The following FANCA variants were observed in gnomAD, a reference collection of about 807,000 sequenced individuals.
FANCA encodes the protein FA complementation group A, also known as Fanconi anemia group A protein.
A neutral mutation model predicts 194.3 loss-of-function variants in FANCA; 236 were observed. The observed-to-expected ratio is 1.21, with a 90% confidence interval of 1.09 to 1.35. The LOEUF is 1.35. Among genes scored for constraint, FANCA ranks in the 40% most tolerant of loss-of-function variants. FANCA has a pLI of 0.00. For synonymous variants in FANCA, 1,014 were observed against 715.8 expected, an observed-to-expected ratio of 1.42 and a Z score of -6.65; for missense variants, 2,628 against 1,813.9, an observed-to-expected ratio of 1.45 and a Z score of -8.15.
At chr16:89,759,489 C>A (rs568249733) in intron 29 of FANCA, among the ~76,000 whole-genome samples, 1 of 151,790 alleles carries the variant, frequency 6.6e-6, no homozygotes, top group East Asian at 2.0e-4. Flanking sequence ...CTCAAAACTG[C>A]AGTGGCTACA....
At position 89,779,002 on chromosome 16, in the gene FANCA, T is replaced by C. The variant is rs775255736; in HGVS notation, c.1717A>G (p.Ile573Val). The change falls in exon 19 of 43, where the codon ATA becomes GTA. Residue 573 changes from isoleucine to valine, a missense_variant and splice_region_variant. Transcript: ENST00000389301. ...GACACGTAGTAAGGCCTCCTGAATA[T>C]GCTGCAACACAGAGAAGCAGACAGT... is the stretch of plus-strand genomic sequence containing the variant. ...NIPVTVMEAS[I>V]FRRPYYVSHF... The C allele has an allele frequency of 3.7e-6, 6 of 1,613,188 alleles. No homozygotes were observed. Among genetic ancestry groups the C allele is most frequent in the African/African-American group, 2.7e-5 (2 of 74,882 alleles).
intron 14 of FANCA, among the ~76,000 whole-genome samples, chr16:89,789,137 T>G (rs2143507588): frequency 6.6e-6 from 1 of 151,964 alleles, no homozygotes; most frequent in East Asian, 1.9e-4. Flanking sequence ...CTTAGTTTAG[T>G]GGAAGCCCCA....
Position 89,767,299 on chromosome 16 carries a change from G to A in FANCA, c.2505-62C>T, listed in dbSNP as rs540895306. On this transcript the variant is annotated intron_variant, in intron 26 of 42. Transcript: ENST00000389301. ...TACAAAATAAGGGATGAAGGAAAAA[G>A]TTACTTTGAATTTCATAAAACTGAA... is the stretch of plus-strand genomic sequence containing the variant. The A allele has an allele frequency of 4.0e-4, 479 of 1,211,640 alleles. 1 individual carries two copies. Among genetic ancestry groups the A allele is most frequent in the Non-Finnish European group, 5.4e-4 (447 of 823,904 alleles). The allele number at this position is 1,211,640 out of a possible 1,614,324, so 75.1% of individuals were successfully genotyped here. A position where few individuals can be genotyped will look rare whatever the true frequency, so the allele number is the denominator to read the frequency against.
chr16:89,792,837 T>C (rs1020973523), intron 11 of FANCA: 4 of 387,566 alleles, frequency 1.0e-5, no homozygotes, highest in South Asian at 4.1e-5. Context: ...TCTCCAATGA[T>C]AGGTAAGGTC....
intron 14 of FANCA, among the ~76,000 whole-genome samples, chr16:89,788,583 G>C (rs1473284803): frequency 6.6e-6 from 1 of 152,180 alleles, no homozygotes; most frequent in African/African-American, 2.4e-5. Flanking sequence ...GATCGCATGA[G>C]GCCAGGAATC....
intron 12 of FANCA, 36 bp from the exon 13 acceptor site, chr16:89,792,104 G>T: frequency 6.2e-7 from 1 of 1,613,870 alleles, no homozygotes; most frequent in Non-Finnish European, 8.5e-7. Flanking sequence ...CAATATCCAA[G>T]CAAACCAATG....
Position 89,745,413 on chromosome 16 carries a change from T to C in FANCA, c.3514-342A>G, listed in dbSNP as rs62054603. 0.075 allele frequency among the ~76,000 whole-genome samples: 9,585 copies of C among 127,732 alleles called. 547 individuals carry two copies. Among genetic ancestry groups the C allele is most frequent in the African/African-American group, 0.15 (4,789 of 32,304 alleles). 83.8% of individuals were successfully genotyped at this position (127,732 alleles called of 152,430 possible). A position where few individuals can be genotyped will look rare whatever the true frequency, so the allele number is the denominator to read the frequency against. ...TGAAACAGTGAAGGGACCACACTCC[T>C]CTGAGCTGGGAACAAAACAGTGAAG... On this transcript the variant is annotated intron_variant, in intron 35 of 42. Transcript: ENST00000389301.
rs117939833 is a variant in FANCA, at chr16:89,814,274, T to C, written c.283+246A>G. Among the ~76,000 whole-genome samples the C allele has an allele frequency of 1.1e-3, 164 of 152,292 alleles. 1 individual carries two copies. The South Asian group carries it at 0.014, about 13-fold the overall frequency. ...CTGCTGTTGCTATGTCCCATGTTTT[T>C]CCAAGGGACACTCTGGGTCCTACTG... On this transcript the variant is annotated intron_variant, in intron 3 of 42. Coordinates refer to ENST00000389301, the MANE Select transcript of FANCA (RefSeq NM_000135.4).
Position 89,781,343 on chromosome 16 carries a change from A to G in FANCA, c.1627-1386T>C, listed in dbSNP as rs528292523. 8.5e-3 allele frequency among the ~76,000 whole-genome samples: 1,072 copies of G among 126,298 alleles called. 12 individuals carry two copies. Among genetic ancestry groups the G allele is most frequent in the Admixed American group, 0.017 (206 of 12,218 alleles). The allele number at this position is 126,298 out of a possible 152,430, so 82.9% of individuals were successfully genotyped here. ...TGCGCCACTGCACTCCAGCCTGGGC[A>G]ATAGAACGAGACTCCATTCCAAAAA... On this transcript the variant is annotated intron_variant, in intron 17 of 42. Transcript: ENST00000389301.
In FANCA at chr16:89,816,556, C is replaced by G. The variant is rs1321607523; in HGVS notation, c.60G>C (p.Arg20Ser). The G allele has an allele frequency of 2.0e-6, 3 of 1,510,728 alleles. No individual in the cohort carries two copies. The Admixed American group carries it at 6.1e-5, about 31-fold the overall frequency. 93.6% of individuals were successfully genotyped at this position (1,510,728 alleles called of 1,614,324 possible). ...ACCTACCCAGCAGCTCGGCCCAGGC[C>G]CTCCGGCGGCCCCCTGGGTCCTGGC... The part of the protein sequence containing the change: ...ASGQDPGGRR[R>S]AWAELLAGRV... The change falls in exon 1 of 43, where the codon AGG (arginine) becomes AGC (serine). Residue 20 changes from arginine to serine, a missense_variant. By Grantham distance (110) the Arg-to-Ser change is moderately radical (BLOSUM62 -1). Coordinates refer to ENST00000389301, the MANE Select transcript of FANCA (RefSeq NM_000135.4).
intron 17 of FANCA, 130 bp from the exon 18 acceptor site, chr16:89,780,087 A>G: frequency 1.3e-6 from 1 of 766,180 alleles, no homozygotes; most frequent in Non-Finnish European, 2.2e-6. Context: ...AAAGGCCCAC[A>G]TGCTGTGCGC....
chr16:89,771,639 G>C, intron 23 of FANCA, 39 bp downstream of exon 23: 1 of 1,612,042 alleles, frequency 6.2e-7, no homozygotes, highest in Non-Finnish European at 8.5e-7. Flanking sequence ...ATGGAAAATG[G>C]TGAAGACCCC....
rs774316884 is a variant in FANCA, at chr16:89,765,084, C to A, written c.2602-18G>T. On this transcript the variant is annotated intron_variant, in intron 27 of 42. Transcript: ENST00000389301. ...AACTGAAACTGAAACAGAGAGTGACCCGGCCGTTTCTTCATTGCGCAAGTT... is the reference window on the plus strand; with the variant it reads ...AACTGAAACTGAAACAGAGAGTGACACGGCCGTTTCTTCATTGCGCAAGTT... 1 of 1,613,542 alleles carries A rather than the reference C, an allele frequency of 6.2e-7. No homozygotes were observed. Among genetic ancestry groups the A allele is most frequent in the East Asian group, 2.2e-5 (1 of 44,894 alleles).
chr16:89,764,793 G>T, intron 28 of FANCA, 97 bp downstream of exon 28: 1 of 1,410,800 alleles, frequency 7.1e-7, no homozygotes, highest in Non-Finnish European at 1.0e-6. Context: ...GCAGGGGAAG[G>T]AACGGTCACC....
In FANCA at chr16:89,737,624, G is replaced by GTA; in HGVS notation, c.*975_*976dup. On this transcript the variant is annotated 3_prime_UTR_variant, in exon 43 of 43. Coordinates refer to ENST00000389301, the MANE Select transcript of FANCA (RefSeq NM_000135.4). ...ACAGCTGATGAAGCCACGTGACAGT[G>GTA]TATAAAGCAGTTTAAAGATCTTAAT... The GTA allele has an allele frequency of 8.4e-7, 1 of 1,194,962 alleles. No homozygotes were observed. Among genetic ancestry groups the GTA allele is most frequent in the Non-Finnish European group, 1.1e-6 (1 of 878,758 alleles). 74.0% of individuals were successfully genotyped at this position (1,194,962 alleles called of 1,614,324 possible).
rs2143138252 is a variant in FANCA at position 89,749,770 on chromosome 16, C to T, written c.3199G>A (p.Ala1067Thr). 1 of 1,614,210 alleles carries T rather than the reference C, an allele frequency of 6.2e-7. No individual in the cohort carries two copies. The highest frequency in any genetic ancestry group is 8.5e-7 in the Non-Finnish European group (1 of 1,180,030). ...QALTSGWSVA[A>T]SLQRQRELLM... The stretch of plus-strand genomic sequence containing the variant: ...AGCTCCCTCTGTCTCTGAAGGCTGG[C>T]AGCCACGCTCCACCCGCTTGTCAGA... The change falls in exon 32 of 43, where the codon GCC (alanine) becomes ACC (threonine). Residue 1067 changes from alanine to threonine, a missense_variant. Physicochemically the swap from Ala to Thr is moderately conservative, Grantham distance 58 (BLOSUM62 0). Coordinates refer to ENST00000389301, the MANE Select transcript of FANCA (RefSeq NM_000135.4).
chr16:89,750,018 A>G (rs1241946358), intron 31 of FANCA, 116 bp from the exon 32 acceptor site: 3 of 1,020,454 alleles, frequency 2.9e-6, no homozygotes, highest in South Asian at 2.6e-5. Context: ...GGCAAGAAGG[A>G]ACAAGTGGGG....
chr16:89,787,791 G>T (rs1269133391), intron 14 of FANCA, among the ~76,000 whole-genome samples: 3 of 151,902 alleles, frequency 2.0e-5, no homozygotes, highest in Non-Finnish European at 2.9e-5. Flanking sequence ...AATGTGATAT[G>T]CTGAGAATTA....
chr16:89,739,659 T>C, intron 39 of FANCA, 106 bp from the exon 40 acceptor site: 4 of 1,507,722 alleles, frequency 2.7e-6, no homozygotes, highest in Non-Finnish European at 3.6e-6. Flanking sequence ...GGCCTGGCTG[T>C]GGGGATAGTG....
Sources: allele counts gnomAD v4.1 joint callset (sites outside exome capture counted in the v4.1 genomes callset), GRCh38; gene constraint gnomAD v4.1.1; transcripts MANE v1.5; gene names NCBI Gene and HGNC (gene_info 2026-07-23, HGNC 2026-07-21).